FNBP4: variants seen among roughly 807,000 people sequenced by gnomAD.
FNBP4 encodes formin binding protein 4, also known as formin-binding protein 4.
A neutral mutation model predicts 119.3 loss-of-function variants in FNBP4; 34 were observed. The observed-to-expected ratio is 0.28, with a 90% CI of 0.22 to 0.38. FNBP4 has a LOEUF of 0.38. Among genes scored for constraint, FNBP4 ranks in the 10% least tolerant of loss-of-function variants. The pLI, the probability that FNBP4 is intolerant of heterozygous loss-of-function variation, is 1.00. For missense variants in FNBP4, 1,112 were observed against 1,228.9 expected, an observed-to-expected ratio of 0.90 and a Z score of 1.42; for synonymous variants, 462 against 430.6, an observed-to-expected ratio of 1.07 and a Z score of -0.90.
intron 9 of FNBP4, among the ~76,000 whole-genome samples, chr11:47,734,784 C>T (rs2097571717): frequency 6.6e-6 from 1 of 151,860 alleles, no homozygotes; most frequent in African/African-American, 2.4e-5. Context: ...ACCATCCTCG[C>T]CAACATCGTG....
At chr11:47,748,859 C>A (rs1197136784) in intron 6 of FNBP4, among the ~76,000 whole-genome samples, 1 of 152,060 alleles carries the variant, frequency 6.6e-6, no homozygotes, top group Non-Finnish European at 1.5e-5. Flanking sequence ...GTTGGCCAGG[C>A]TGGTCTTGAA....
In FNBP4 at chr11:47,767,077, G is replaced by A; in HGVS notation, c.212C>T (p.Pro71Leu). Reference protein sequence around the residue: ...VTAAAASDDSPSEDEQEAVQE... With the variant: ...VTAAAASDDSLSEDEQEAVQE... Reference sequence around the variant, plus strand: ...CCCCCGCGCACCCTTGCCTTCTGAAGGCGAGTCGTCCGAGGCCGCGGCGGC... The same window carrying A: ...CCCCCGCGCACCCTTGCCTTCTGAAAGCGAGTCGTCCGAGGCCGCGGCGGC... The change falls in exon 1 of 17, where the codon CCT (proline) becomes CTT (leucine). Residue 71 changes from proline to leucine, a missense_variant. Transcript: ENST00000263773. 1 of 1,530,908 alleles carries A rather than the reference G, an allele frequency of 6.5e-7. No homozygotes were observed. Among genetic ancestry groups the A allele is most frequent in the Non-Finnish European group, 8.7e-7 (1 of 1,145,412 alleles). 94.8% of individuals were successfully genotyped at this position (1,530,908 alleles called of 1,614,324 possible). A position where few individuals can be genotyped will look rare whatever the true frequency, so the allele number is the denominator to read the frequency against.
rs890694222 is a variant in FNBP4, at chr11:47,744,067, T to C, written c.1342A>G (p.Arg448Gly). ...CATTTTCCTCTTTTAGACATAAGCC[T>C]ACGCATTCCATCTTGAGATGCTGGC... ...SQPASQDGMR[R>G]LMSKRGKWKM... Residue 448 changes from arginine to glycine, a missense_variant, in exon 8 of 17, where the codon AGG becomes GGG. Around this residue, in one of 2 missense-constraint regions of FNBP4, gnomAD observed 826 missense variants for 988.8 expected, o/e 0.84. Coordinates refer to ENST00000263773, the MANE Select transcript of FNBP4 (RefSeq NM_015308.5). The C allele has an allele frequency of 3.1e-6, 5 of 1,614,050 alleles. No homozygotes were observed. The African/African-American group carries it at 6.7e-5, about 22-fold the overall frequency.
chr11:47,745,956 G>A, intron 7 of FNBP4, 100 bp downstream of exon 7: 1 of 1,114,902 alleles, frequency 9.0e-7, no homozygotes, highest in South Asian at 1.6e-5. Context: ...GATGGGATAA[G>A]AAAAACAAAA....
Position 47,744,184 on chromosome 11 carries a change from A to G in FNBP4, c.1246-21T>C, listed in dbSNP as rs1599215504. ...TCTGCCTACAAAGAACATGACAATT[A>G]AGTTAGTGTCATTAACTGCTTATTA... On this transcript the variant is annotated intron_variant, in intron 7 of 16. Transcript: ENST00000263773. The G allele has an allele frequency of 5.6e-6, 9 of 1,593,408 alleles. No individual in the cohort carries two copies. In the East Asian group the frequency reaches 2.0e-4, roughly 36 times the overall value.
Position 47,751,048 on chromosome 11 carries a change from T to C in FNBP4, c.786-12A>G, listed in dbSNP as rs368286907. 1.3e-4 allele frequency: 202 copies of C among 1,612,662 alleles called. No individual in the cohort carries two copies. The highest frequency in any genetic ancestry group is 1.6e-4 in the Non-Finnish European group (191 of 1,179,622). On this transcript the variant is annotated splice_polypyrimidine_tract_variant and intron_variant, in intron 5 of 16. Coordinates refer to ENST00000263773, the MANE Select transcript of FNBP4 (RefSeq NM_015308.5). ...CACCTGGCACAGAACTAAAAAAATATATACTTAGCAAGAGAAATATAAGAC... is the reference window on the plus strand; with the variant it reads ...CACCTGGCACAGAACTAAAAAAATACATACTTAGCAAGAGAAATATAAGAC...
At position 47,765,571 on chromosome 11, in the gene FNBP4, G is replaced by A. The variant is rs1460273988; in HGVS notation, c.221-209C>T. On this transcript the variant is annotated intron_variant, in intron 1 of 16. Coordinates refer to ENST00000263773, the MANE Select transcript of FNBP4 (RefSeq NM_015308.5). The stretch of plus-strand genomic sequence containing the variant: ...CAGCACTTTGGGAGGCCAAGACGGG[G>A]GGGGGGGGGGGCCACTTGAGGTCAG... Among the ~76,000 whole-genome samples the A allele has an allele frequency of 3.5e-3, 335 of 95,450 alleles. 19 individuals carry two copies. The highest frequency in any genetic ancestry group is 0.021 in the Middle Eastern group (5 of 236). 62.6% of individuals were successfully genotyped at this position (95,450 alleles called of 152,430 possible).
intron 2 of FNBP4, among the ~76,000 whole-genome samples, chr11:47,755,740 G>A (rs999088298): frequency 6.0e-5 from 9 of 151,030 alleles, no homozygotes; most frequent in Admixed American, 1.3e-4. Flanking sequence ...GCATTAAGCC[G>A]AAACATCTCC....
chr11:47,728,179 G>A (rs769086384), intron 12 of FNBP4, among the ~76,000 whole-genome samples: 4 of 151,244 alleles, frequency 2.6e-5, no homozygotes, highest in Non-Finnish European at 5.9e-5. Flanking sequence ...CTTGGCCTAC[G>A]CAGCTTTTAT....
At chr11:47,758,670 G>C (rs12421563) in intron 2 of FNBP4, among the ~76,000 whole-genome samples, 1 of 151,378 alleles carries the variant, frequency 6.6e-6, no homozygotes, top group African/African-American at 2.4e-5. Context: ...GACTATCCTG[G>C]CCAACATGGT....
At chr11:47,729,359 A>C in intron 12 of FNBP4, 1 of 985,428 alleles carries the variant, frequency 1.0e-6, no homozygotes, top group Non-Finnish European at 1.2e-6. Context: ...GGATATCTTG[A>C]ACCCAACTCA....
At chr11:47,743,864 GT>G in intron 8 of FNBP4, 88 bp downstream of exon 8, 1 of 1,179,720 alleles carries the variant, frequency 8.5e-7, no homozygotes, top group South Asian at 1.4e-5. Flanking sequence ...ACAATCTCCT[GT>G]TTTGTTGAAG....
Position 47,732,406 on chromosome 11 carries a change from G to A in FNBP4, c.1820+131C>T. On this transcript the variant is annotated intron_variant, in intron 11 of 16. Transcript: ENST00000263773. This position sits in a 1 kb window ranked among gnomAD's most constrained non-coding sequence, Gnocchi z 4.2. ...CCAAACTTTGTGCTTGCGGTGCTTT[G>A]CCTGCCCAGCACCGCTAACTGCAGC... The A allele has an allele frequency of 6.6e-7, 1 of 1,519,576 alleles. No individual in the cohort carries two copies. Among genetic ancestry groups the A allele is most frequent in the Non-Finnish European group, 8.8e-7 (1 of 1,135,622 alleles). 94.1% of individuals were successfully genotyped at this position (1,519,576 alleles called of 1,614,324 possible).
chr11:47,724,231 C>G, intron 13 of FNBP4, 59 bp from the exon 14 acceptor site: 3 of 1,588,714 alleles, frequency 1.9e-6, no homozygotes, highest in Non-Finnish European at 2.6e-6. Context: ...TAGCCCGCTC[C>G]CACCTCCTTT....
At chr11:47,766,971 G>C (rs985888756) in intron 1 of FNBP4, 98 bp downstream of exon 1, 152 of 1,408,364 alleles carry the variant, frequency 1.1e-4, no homozygotes, top group Non-Finnish European at 1.3e-4. Context: ...CTCGGAAGCC[G>C]ACCTCGCCCG....
intron 2 of FNBP4, among the ~76,000 whole-genome samples, chr11:47,754,894 G>A (rs769817304): frequency 6.6e-5 from 10 of 152,116 alleles, no homozygotes; most frequent in Non-Finnish European, 1.0e-4. Flanking sequence ...TGTAATCCCA[G>A]CACTTTGGGA....
chr11:47,724,159 G>A lies in FNBP4; in HGVS notation c.2333C>T (p.Ser778Phe). Residue 778 changes from serine to phenylalanine, a missense_variant, in exon 14 of 17, where the codon TCC becomes TTC. Physicochemically the swap from Ser to Phe is radical, Grantham distance 155. Coordinates refer to ENST00000263773, the MANE Select transcript of FNBP4 (RefSeq NM_015308.5). ...TVVTSQSSVD[S>F]TISSSSSTKG... ...AGTGGAAGAAGAACTAGAGATGGTG[G>A]AATCAACTGAACTCTGAAACACAAA... The A allele has an allele frequency of 3.1e-6, 5 of 1,614,078 alleles. No homozygotes were observed. The highest frequency in any genetic ancestry group is 4.2e-6 in the Non-Finnish European group (5 of 1,179,998).
intron 2 of FNBP4, among the ~76,000 whole-genome samples, chr11:47,755,078 G>A (rs1047320267): frequency 3.3e-5 from 5 of 150,840 alleles, no homozygotes; most frequent in Non-Finnish European, 7.4e-5. Context: ...AGGTTGCAGT[G>A]AGCCAAGATC....
chr11:47,757,616 C>T (rs922485407), intron 2 of FNBP4, among the ~76,000 whole-genome samples: 2 of 152,104 alleles, frequency 1.3e-5, no homozygotes, highest in Non-Finnish European at 2.9e-5. Context: ...GCCTCAGCCT[C>T]CCGAGTAGCT....
Sources: allele counts gnomAD v4.1 joint callset (sites outside exome capture counted in the v4.1 genomes callset), GRCh38; gene constraint gnomAD v4.1.1; regional missense constraint gnomAD v4.1.1; non-coding constraint Gnocchi (gnomAD v3.1); transcripts MANE v1.5; gene names NCBI Gene and HGNC (gene_info 2026-07-23, HGNC 2026-07-21).